Variants in TBC1D5 observed in about 807,000 individuals in gnomAD.
The protein encoded by TBC1D5 is TBC1 domain family, member 5.
A neutral mutation model predicts 100.3 loss-of-function variants in TBC1D5; 75 were observed. The ratio of observed to expected loss-of-function variants is 0.75; its 90% CI spans 0.62 to 0.91. TBC1D5 has a LOEUF of 0.91. Ranked by LOEUF, TBC1D5 falls within the 40% of genes least tolerant of loss-of-function variation. The probability of loss-of-function intolerance (pLI) is 0.00; values close to 1 mark genes in which losing one functional copy is unlikely to be tolerated. For missense variants in TBC1D5, 910 were observed against 942.4 expected, an observed-to-expected ratio of 0.97 and a Z score of 0.45; for synonymous variants, 323 against 325.6, an observed-to-expected ratio of 0.99 and a Z score of 0.09.
At chr3:17,620,008 C>A (rs902982332) in intron 2 of TBC1D5, among the ~76,000 whole-genome samples, 2 of 152,202 alleles carry the variant, frequency 1.3e-5, no homozygotes, top group Non-Finnish European at 2.9e-5. Flanking sequence ...TCACCATGCA[C>A]TCTGTTTGCA....
intron 1 of TBC1D5, among the ~76,000 whole-genome samples, chr3:17,674,250 C>G (rs2068341150): frequency 6.6e-6 from 1 of 152,084 alleles, no homozygotes; most frequent in Admixed American, 6.5e-5. Context: ...TCTTTATATG[C>G]CTTTGAAAAT....
intron 14 of TBC1D5, among the ~76,000 whole-genome samples, chr3:17,297,118 A>C (rs558752582): frequency 8.1e-4 from 123 of 152,364 alleles, no homozygotes; most frequent in Non-Finnish European, 1.2e-3. Flanking sequence ...GAGCAGAGAA[A>C]GATCACTGTA....
intron 17 of TBC1D5, among the ~76,000 whole-genome samples, chr3:17,233,115 AT>A (rs1249123968): frequency 2.0e-5 from 3 of 152,178 alleles, no homozygotes; most frequent in Non-Finnish European, 4.4e-5. Context: ...TTTTGAACAA[AT>A]GGATATGATA....
At chr3:17,604,176 T>C (rs2061185405) in intron 2 of TBC1D5, among the ~76,000 whole-genome samples, 1 of 152,104 alleles carries the variant, frequency 6.6e-6, no homozygotes, top group African/African-American at 2.4e-5. Context: ...CCCAGGCTAG[T>C]CTCAAACTCC....
intron 1 of TBC1D5, among the ~76,000 whole-genome samples, chr3:17,721,285 C>T (rs1228123935): frequency 1.3e-5 from 2 of 152,158 alleles, no homozygotes; most frequent in South Asian, 2.1e-4. Flanking sequence ...GGCTGTTATC[C>T]TAAATTATTG....
At chr3:17,681,678 A>T (rs1416544992) in intron 1 of TBC1D5, among the ~76,000 whole-genome samples, 1 of 151,618 alleles carries the variant, frequency 6.6e-6, no homozygotes, top group Non-Finnish European at 1.5e-5. Context: ...CTAAAGGCAT[A>T]ACAAACAGGA....
chr3:17,686,121 A>T (rs993942849), intron 1 of TBC1D5, among the ~76,000 whole-genome samples: 13 of 152,142 alleles, frequency 8.5e-5, no homozygotes, highest in African/African-American at 2.7e-4. Flanking sequence ...TCAAAGGACA[A>T]AGTGATTGGC....
At chr3:17,689,270 T>G (rs572624722) in intron 1 of TBC1D5, among the ~76,000 whole-genome samples, 2 of 152,114 alleles carry the variant, frequency 1.3e-5, no homozygotes, top group South Asian at 4.2e-4. Flanking sequence ...CCGGGCACAA[T>G]GGCTCACGAC....
chr3:17,186,491 T>C (rs1035038421), intron 18 of TBC1D5, among the ~76,000 whole-genome samples: 36 of 151,900 alleles, frequency 2.4e-4, no homozygotes, highest in African/African-American at 7.7e-4. Context: ...GGCAGATCAC[T>C]TGAGGTCAGG....
intron 13 of TBC1D5, among the ~76,000 whole-genome samples, chr3:17,367,944 T>G (rs185504576): frequency 6.6e-6 from 1 of 150,918 alleles, no homozygotes; most frequent in East Asian, 1.9e-4. Flanking sequence ...GGAACTTTCA[T>G]AAAATTAATG....
At chr3:17,525,487 G>T (rs1251045898) in intron 2 of TBC1D5, among the ~76,000 whole-genome samples, 2 of 152,112 alleles carry the variant, frequency 1.3e-5, no homozygotes, top group Non-Finnish European at 2.9e-5. Flanking sequence ...ACTTGCTCCA[G>T]TTCCTACAAT....
intron 3 of TBC1D5, among the ~76,000 whole-genome samples, chr3:17,434,196 C>A (rs951702531): frequency 2.6e-5 from 4 of 152,216 alleles, no homozygotes; most frequent in Admixed American, 6.5e-5. Flanking sequence ...CTCCACTAGG[C>A]AATGCCCCAG....
At chr3:17,712,853 A>T (rs1483462945) in intron 1 of TBC1D5, among the ~76,000 whole-genome samples, 1 of 152,118 alleles carries the variant, frequency 6.6e-6, no homozygotes, top group African/African-American at 2.4e-5. Context: ...AAATAAATTA[A>T]ATAGTCAGTA....
chr3:17,516,887 T>G (rs1201423781), intron 2 of TBC1D5, among the ~76,000 whole-genome samples: 1 of 152,156 alleles, frequency 6.6e-6, no homozygotes, highest in East Asian at 1.9e-4. Context: ...TCTGGCTACC[T>G]AAGTCTTCTT....
intron 3 of TBC1D5, among the ~76,000 whole-genome samples, chr3:17,439,701 G>T (rs1033133117): frequency 5.3e-5 from 8 of 151,876 alleles, no homozygotes; most frequent in African/African-American, 1.7e-4. Context: ...CTAAATCCAC[G>T]AATTGATATG....
intron 2 of TBC1D5, among the ~76,000 whole-genome samples, chr3:17,554,760 C>G (rs1307674661): frequency 6.6e-6 from 1 of 152,148 alleles, no homozygotes; most frequent in Non-Finnish European, 1.5e-5. Context: ...TCCCTAAAAT[C>G]TTTCCATGCT....
intron 18 of TBC1D5, among the ~76,000 whole-genome samples, chr3:17,190,108 T>C (rs887155200): frequency 6.6e-6 from 1 of 152,188 alleles, no homozygotes; most frequent in East Asian, 1.9e-4. Context: ...AGTCCTGCTA[T>C]TTCTTTGTTA....
At chr3:17,233,035 A>G (rs1348321637) in intron 17 of TBC1D5, among the ~76,000 whole-genome samples, 36 of 152,278 alleles carry the variant, frequency 2.4e-4, no homozygotes, top group Admixed American at 2.4e-3. Flanking sequence ...TTAAGTATTT[A>G]TATGTTTTAA....
intron 1 of TBC1D5, among the ~76,000 whole-genome samples, chr3:17,654,760 G>C (rs936182190): frequency 6.6e-6 from 1 of 152,072 alleles, no homozygotes; most frequent in Non-Finnish European, 1.5e-5. Flanking sequence ...TGTACCCCTG[G>C]TAGAATTTGG....
Sources: gnomAD v4.1 joint callset for allele counts (sites outside exome capture counted in the v4.1 genomes callset) on GRCh38, gnomAD v4.1.1 for gene constraint, MANE v1.5 for transcripts, NCBI Gene and HGNC (gene_info 2026-07-23, HGNC 2026-07-21) for gene names.